LARS1: variants seen among roughly 807,000 people sequenced by gnomAD.
The protein encoded by LARS1 is leucyl-tRNA synthetase 1, also known as leucine--tRNA ligase, cytoplasmic.
In LARS1, 100 loss-of-function variants were observed where a neutral mutation model predicts 162.8. The ratio of observed to expected loss-of-function variants is 0.61; its 90% CI spans 0.52 to 0.73. The LOEUF (loss-of-function observed/expected upper bound fraction) is 0.73, where lower values mean the gene tolerates loss of function less well. LARS1 is among the 30% of genes least tolerant of loss of function. The pLI, the probability that LARS1 is intolerant of heterozygous loss-of-function variation, is 0.00. For missense variants in LARS1, 1,258 were observed against 1,408.9 expected, an observed-to-expected ratio of 0.89 and a Z score of 1.71; for synonymous variants, 457 against 462.8, an observed-to-expected ratio of 0.99 and a Z score of 0.16.
chr5:146,144,770 G>A, intron 15 of LARS1, 61 bp from the exon 16 acceptor site: 1 of 1,441,474 alleles, frequency 6.9e-7, no homozygotes, highest in South Asian at 1.2e-5. Context: ...CATTCCTCAA[G>A]GATAAAAATT....
At chr5:146,115,309 C>T (rs1188792748) in intron 31 of LARS1, among the ~76,000 whole-genome samples, 1 of 151,906 alleles carries the variant, frequency 6.6e-6, no homozygotes, top group Admixed American at 6.5e-5. Context: ...CCCTGGAATA[C>T]ACTAAACTTG....
rs1753678428 is a variant in LARS1, at chr5:146,159,449, T to C, written c.729A>G (p.Lys243=). 4 of 1,612,198 alleles carry C rather than the reference T, an allele frequency of 2.5e-6. No homozygotes were observed. The highest frequency in any genetic ancestry group is 3.4e-6 in the Non-Finnish European group (4 of 1,178,378). Reference sequence around the variant, plus strand: ...CATGATCCATGCAAGGCTGTCCATCTTTCGGAGAGTAAATTGTATACCTAA... The same window carrying C: ...CATGATCCATGCAAGGCTGTCCATCCTTCGGAGAGTAAATTGTATACCTAA... ...FGKRYTIYSP[K]DGQPCMDHDR... is the part of the protein sequence containing the mutation. Residue 243 remains lysine, a synonymous_variant, in exon 8 of 32, where the codon AAA becomes AAG. Coordinates refer to ENST00000394434, the MANE Select transcript of LARS1 (RefSeq NM_020117.11).
chr5:146,118,404 C>T lies in LARS1; in HGVS notation c.3325+1967G>A, dbSNP rs563776268. On this transcript the variant is annotated intron_variant, in intron 31 of 31. Transcript: ENST00000394434. ...CTGGAAGGAGGTTGGTCAACAGGTA[C>T]AAAGTTATAATTAAATGGGAGGAAT... Among the ~76,000 whole-genome samples the T allele has an allele frequency of 1.8e-4, 27 of 152,088 alleles. No homozygotes were observed. In the South Asian group the frequency reaches 5.6e-3, roughly 32 times the overall value.
intron 22 of LARS1, among the ~76,000 whole-genome samples, chr5:146,134,784 A>T (rs1263049695): frequency 1.3e-5 from 2 of 152,174 alleles, no homozygotes; most frequent in Admixed American, 6.5e-5. Flanking sequence ...CCCCGTCTCT[A>T]CTAGAAATAC....
Position 146,177,618 on chromosome 5 carries a change from T to C in LARS1, c.54A>G (p.Lys18=). 6.2e-7 allele frequency: 1 copy of C among 1,608,238 alleles called. No individual in the cohort carries two copies. Among genetic ancestry groups the C allele is most frequent in the Non-Finnish European group, 8.5e-7 (1 of 1,176,054 alleles). The change falls in exon 2 of 32, where the codon AAA becomes AAG. Residue 18 remains lysine (K), a synonymous_variant. Transcript: ENST00000394434. ...AKVDFLKKIE[K]EIQQKWDTER... is the part of the protein sequence containing the mutation. ...CAGTATCCCATTTCTGTTGGATTTC[T>C]TTCTCAATCTTCTTCAAAAAGTCCA... is the stretch of plus-strand genomic sequence containing the variant.
chr5:146,133,964 C>T (rs905488541), intron 22 of LARS1, among the ~76,000 whole-genome samples: 1 of 152,180 alleles, frequency 6.6e-6, no homozygotes, highest in Non-Finnish European at 1.5e-5. Flanking sequence ...ACTGCCTCAG[C>T]CTCCTGAGTA....
At position 146,143,565 on chromosome 5, in the gene LARS1, G is replaced by A; in HGVS notation, c.1739-15C>T. ...CAGGTGAGTGCCTGAAAAATAAAAA[G>A]TAACGCATGAGGAACCTGAGAGACA... On this transcript the variant is annotated splice_polypyrimidine_tract_variant and intron_variant, in intron 18 of 31. Coordinates refer to ENST00000394434, the MANE Select transcript of LARS1 (RefSeq NM_020117.11). 5 of 1,611,224 alleles carry A rather than the reference G, an allele frequency of 3.1e-6. No homozygotes were observed. Among genetic ancestry groups the A allele is most frequent in the Non-Finnish European group, 4.2e-6 (5 of 1,178,206 alleles).
At position 146,172,747 on chromosome 5, in the gene LARS1, T is replaced by C. The variant is rs750891319; in HGVS notation, c.153A>G (p.Pro51=). The stretch of plus-strand genomic sequence containing the variant: ...GAAGGCGTCCATTCATATATGGATA[T>C]GGGAAGGTTACAAAATACTTGCCCT... The part of the protein sequence containing the change: ...TSKGKYFVTF[P]YPYMNGRLHL... The change falls in exon 3 of 32, where the codon CCA becomes CCG. Residue 51 remains proline, a synonymous_variant. Coordinates refer to ENST00000394434, the MANE Select transcript of LARS1 (RefSeq NM_020117.11). 6.4e-7 allele frequency: 1 copy of C among 1,572,898 alleles called. No individual in the cohort carries two copies. Among genetic ancestry groups the C allele is most frequent in the Non-Finnish European group, 8.6e-7 (1 of 1,160,496 alleles).
chr5:146,162,877 G>A (rs757745557), intron 6 of LARS1, among the ~76,000 whole-genome samples: 6 of 152,184 alleles, frequency 3.9e-5, no homozygotes, highest in Non-Finnish European at 5.9e-5. Context: ...TTGCAATGGC[G>A]CAGCCTCAGC....
At chr5:146,181,742 T>C (rs1435647833) in intron 1 of LARS1, among the ~76,000 whole-genome samples, 2 of 151,500 alleles carry the variant, frequency 1.3e-5, no homozygotes, top group African/African-American at 4.8e-5. Flanking sequence ...CCCCACAGCA[T>C]TTATCAGCAC....
At chr5:146,123,497 C>T (rs889604173) in intron 29 of LARS1, among the ~76,000 whole-genome samples, 1 of 151,768 alleles carries the variant, frequency 6.6e-6, no homozygotes, top group African/African-American at 2.4e-5. Context: ...AGACATGGAA[C>T]AATCATAATA....
At chr5:146,159,675 T>C (rs1753691223) in intron 7 of LARS1, among the ~76,000 whole-genome samples, 1 of 152,116 alleles carries the variant, frequency 6.6e-6, no homozygotes, top group African/African-American at 2.4e-5. Context: ...TCAAAGGTAA[T>C]ACCACTGAAA....
chr5:146,154,633 C>T (rs1426485196), intron 10 of LARS1, among the ~76,000 whole-genome samples: 3 of 151,772 alleles, frequency 2.0e-5, no homozygotes, highest in Admixed American at 1.3e-4. Flanking sequence ...AAAAAATTAG[C>T]CAGGCGTGGT....
rs1362033192 is a variant in LARS1, at chr5:146,124,105, T to C, written c.2992-19A>G. ...GATTTTCCTAATAGCCAAAATGGTA[T>C]GGAAAAACAAAATCACAGTAAGAAT... On this transcript the variant is annotated intron_variant, in intron 28 of 31. Coordinates refer to ENST00000394434, the MANE Select transcript of LARS1 (RefSeq NM_020117.11). The C allele has an allele frequency of 7.0e-7, 1 of 1,433,354 alleles. No individual in the cohort carries two copies. Among genetic ancestry groups the C allele is most frequent in the Non-Finnish European group, 9.8e-7 (1 of 1,020,364 alleles). The allele number at this position is 1,433,354 out of a possible 1,614,324, so 88.8% of individuals were successfully genotyped here.
In LARS1 at chr5:146,173,892, C is replaced by CA. The variant is rs916691769; in HGVS notation, c.126-1119dup. Among the ~76,000 whole-genome samples the CA allele has an allele frequency of 4.6e-5, 7 of 151,170 alleles. No individual in the cohort carries two copies. The East Asian group carries it at 5.8e-4, about 13-fold the overall frequency. ...GTTTCGCTCACTTGTGAGTTTCATA[C>CA]AAAAAAAAGGCATACTTCATATAGA... On this transcript the variant is annotated intron_variant, in intron 2 of 31. Transcript: ENST00000394434.
At chr5:146,167,144 A>T (rs1754047122) in intron 5 of LARS1, among the ~76,000 whole-genome samples, 1 of 152,230 alleles carries the variant, frequency 6.6e-6, no homozygotes, top group African/African-American at 2.4e-5. Flanking sequence ...AAGGAAACAT[A>T]GTAAGGACAC....
At chr5:146,150,172 C>CTT (rs34700156) in intron 14 of LARS1, among the ~76,000 whole-genome samples, 47,378 of 151,916 alleles carry the variant, frequency 0.31, 7,933 homozygotes, top group Admixed American at 0.39. Flanking sequence ...TCACCTCTAT[C>CTT]TTTTTCAGTA....
At chr5:146,164,651 T>C (rs901960826) in intron 5 of LARS1, among the ~76,000 whole-genome samples, 180 bp from the exon 6 acceptor site, 3 of 152,232 alleles carry the variant, frequency 2.0e-5, no homozygotes, top group Admixed American at 6.5e-5. Flanking sequence ...TACTAAATAG[T>C]ACTAATTTAG....
chr5:146,156,779 G>GA (rs367757770), intron 10 of LARS1, among the ~76,000 whole-genome samples: 160 of 138,784 alleles, frequency 1.2e-3, no homozygotes, highest in Admixed American at 2.3e-3. Context: ...TTCTTCACAT[G>GA]AAAAAAAAAA....
Sources: gnomAD v4.1 joint callset for allele counts (sites outside exome capture counted in the v4.1 genomes callset) on GRCh38, gnomAD v4.1.1 for gene constraint, MANE v1.5 for transcripts, NCBI Gene and HGNC (gene_info 2026-07-23, HGNC 2026-07-21) for gene names.